The following LINGO2 variants were observed in gnomAD, a reference collection of about 807,000 sequenced individuals.
The protein encoded by LINGO2 is leucine-rich repeat and immunoglobulin-like domain-containing nogo receptor-interacting protein 2.
A neutral mutation model predicts 30.6 loss-of-function variants in LINGO2; 14 were observed. That is an observed-to-expected ratio of 0.46 (90% CI 0.30 to 0.72). The LOEUF (loss-of-function observed/expected upper bound fraction) is 0.72, where lower values mean the gene tolerates loss of function less well. Among genes scored for constraint, LINGO2 ranks in the 30% least tolerant of loss-of-function variants. The pLI is 0.07. For missense variants in LINGO2, 729 were observed against 751.7 expected (o/e 0.97, Z 0.35); for synonymous variants, 317 against 288.5 (o/e 1.10, Z -1.00).
At chr9:28,355,293 CTCTATG>C (rs1333158777) in intron 3 of LINGO2, among the ~76,000 whole-genome samples, 2 of 47,668 alleles carry the variant, frequency 4.2e-5, no homozygotes, top group African/African-American at 6.5e-5. Flanking sequence ...CTCTCTCTCT[CTCTATG>C]TCTCTCTCTC....
At chr9:28,419,536 A>T (rs576690909) in intron 2 of LINGO2, among the ~76,000 whole-genome samples, 1 of 152,132 alleles carries the variant, frequency 6.6e-6, no homozygotes, top group East Asian at 1.9e-4. Flanking sequence ...ATAGAAACGG[A>T]AGAAGAACAA....
chr9:28,391,090 G>T (rs1821811834), intron 2 of LINGO2, among the ~76,000 whole-genome samples: 3 of 151,978 alleles, frequency 2.0e-5, no homozygotes, highest in Admixed American at 2.0e-4. Flanking sequence ...TAATTTGTTT[G>T]CTTATTGACC....
the LINGO2 span, among the ~76,000 whole-genome samples, chr9:28,705,959 CTTG>C: frequency 6.6e-6 from 1 of 151,854 alleles, no homozygotes; most frequent in East Asian, 1.9e-4. Context: ...CAGATTTTTA[CTTG>C]TTGTTAGGAT....
chr9:29,044,182 T>C, the LINGO2 span, among the ~76,000 whole-genome samples: 1 of 151,960 alleles, frequency 6.6e-6, no homozygotes, highest in African/African-American at 2.4e-5. Flanking sequence ...TTGACAATAC[T>C]GCTAAAATAA....
At position 28,018,309 on chromosome 9, in the gene LINGO2, A is replaced by G. The variant is rs143396909; in HGVS notation, c.-86-5904T>C. ...GGACATAGACCCTGGCAAAGATTTCATGATGAAGATGCCAAAAGCAATTCC... is the reference window on the plus strand; with the variant it reads ...GGACATAGACCCTGGCAAAGATTTCGTGATGAAGATGCCAAAAGCAATTCC... On this transcript the variant is annotated intron_variant, in intron 4 of 5. Coordinates refer to ENST00000379992, the Ensembl canonical transcript of LINGO2. Among the ~76,000 whole-genome samples, 2,285 of 152,298 alleles carry G rather than the reference A, an allele frequency of 0.015. 248 individuals carry two copies. The East Asian group carries it at 0.29, about 19-fold the overall frequency.
intron 1 of LINGO2, among the ~76,000 whole-genome samples, chr9:28,607,843 C>G (rs1802918432): frequency 6.6e-6 from 1 of 151,906 alleles, no homozygotes; most frequent in Non-Finnish European, 1.5e-5. Flanking sequence ...ATCAAGTAAC[C>G]AAATCAGAAC....
chr9:28,712,493 T>A, the LINGO2 span, among the ~76,000 whole-genome samples: 2 of 151,264 alleles, frequency 1.3e-5, no homozygotes, highest in Admixed American at 1.3e-4. Flanking sequence ...GAATCTAGAA[T>A]GCCTATGATT....
At chr9:29,031,586 G>A in the LINGO2 span, among the ~76,000 whole-genome samples, 2 of 151,856 alleles carry the variant, frequency 1.3e-5, no homozygotes, top group Non-Finnish European at 2.9e-5. Context: ...CCCAGCTGGT[G>A]GTAATGTTAT....
intron 3 of LINGO2, among the ~76,000 whole-genome samples, chr9:28,314,061 C>A (rs975453459): frequency 6.6e-6 from 1 of 152,064 alleles, no homozygotes; most frequent in East Asian, 1.9e-4. Flanking sequence ...CAGCCTCCCG[C>A]GTAGCTGGGA....
At chr9:28,793,051 T>G in the LINGO2 span, among the ~76,000 whole-genome samples, 2 of 152,168 alleles carry the variant, frequency 1.3e-5, no homozygotes, top group African/African-American at 4.8e-5. Context: ...ACACACACCA[T>G]GAGTATATAC....
At chr9:29,115,629 G>T in the LINGO2 span, among the ~76,000 whole-genome samples, 1 of 151,724 alleles carries the variant, frequency 6.6e-6, no homozygotes, top group Non-Finnish European at 1.5e-5. Context: ...TTATGAAAAG[G>T]TTAACATTGT....
chr9:29,007,445 G>A, the LINGO2 span, among the ~76,000 whole-genome samples: 130,227 of 152,056 alleles, frequency 0.86, 56,752 homozygotes, highest in Non-Finnish European at 0.93. Flanking sequence ...ATTTATAATG[G>A]AAGATGGTTT....
chr9:27,939,761 T>A, the LINGO2 span: 1 of 152,196 alleles, frequency 6.6e-6, no homozygotes, highest in Non-Finnish European at 1.5e-5. Context: ...TGTGGTGAAT[T>A]GCCTCTGTGC....
intron 1 of LINGO2, among the ~76,000 whole-genome samples, chr9:28,523,238 G>T (rs1359252704): frequency 1.3e-5 from 2 of 151,820 alleles, no homozygotes; most frequent in African/African-American, 4.8e-5. Context: ...AGTAGATTTA[G>T]AAGTGCAGCT....
intron 3 of LINGO2, among the ~76,000 whole-genome samples, chr9:28,370,641 A>T (rs1396511139): frequency 6.6e-6 from 1 of 152,238 alleles, no homozygotes; most frequent in Non-Finnish European, 1.5e-5. Context: ...AAATGCTTAA[A>T]AATAGAGGAC....
At chr9:28,270,165 C>T (rs1294524675) in intron 4 of LINGO2, among the ~76,000 whole-genome samples, 2 of 152,098 alleles carry the variant, frequency 1.3e-5, no homozygotes, top group Non-Finnish European at 1.5e-5. Flanking sequence ...ACCCTCTTTA[C>T]GGTATCTCTC....
chr9:28,124,157 G>T (rs567197709), intron 4 of LINGO2, among the ~76,000 whole-genome samples: 8 of 152,276 alleles, frequency 5.3e-5, no homozygotes, highest in African/African-American at 1.9e-4. Context: ...GCATTTGCTT[G>T]GTGGTAGTCT....
chr9:27,999,958 C>T (rs1821865453), intron 5 of LINGO2, among the ~76,000 whole-genome samples: 1 of 152,030 alleles, frequency 6.6e-6, no homozygotes, highest in South Asian at 2.1e-4. Context: ...AATATTAGCT[C>T]CACTATACAT....
At chr9:28,989,100 G>A in the LINGO2 span, among the ~76,000 whole-genome samples, 2 of 152,220 alleles carry the variant, frequency 1.3e-5, no homozygotes, top group East Asian at 1.9e-4. Flanking sequence ...TAATGGATAT[G>A]CTATATTATA....
Sources: allele counts gnomAD v4.1 joint callset (sites outside exome capture counted in the v4.1 genomes callset), GRCh38; gene constraint gnomAD v4.1.1; transcripts MANE v1.5; gene names NCBI Gene and HGNC (gene_info 2026-07-23, HGNC 2026-07-21).